The following PCNX1 variants were observed in gnomAD, a reference collection of about 807,000 sequenced individuals.
PCNX1 encodes pecanex-like protein 1.
In PCNX1, 78 loss-of-function variants were observed where a neutral mutation model predicts 242.2. The observed-to-expected ratio is 0.32, with a 90% CI of 0.27 to 0.39. PCNX1 has a LOEUF of 0.39. PCNX1 is among the 10% of genes least tolerant of loss of function. The pLI, the probability that PCNX1 is intolerant of heterozygous loss-of-function variation, is 1.00. For missense variants in PCNX1, 2,581 were observed against 2,856.5 expected, an observed-to-expected ratio of 0.90 and a Z score of 2.20; for synonymous variants, 1,024 against 1,032.9, an observed-to-expected ratio of 0.99 and a Z score of 0.17.
At chr14:70,973,719 CAG>C (rs1395095820) in intron 5 of PCNX1, among the ~76,000 whole-genome samples, 3 of 151,808 alleles carry the variant, frequency 2.0e-5, no homozygotes, top group Non-Finnish European at 4.4e-5. Flanking sequence ...TAGGGATGAT[CAG>C]AGAGAGAAAG....
chr14:70,987,875 C>G (rs987014762), intron 6 of PCNX1, among the ~76,000 whole-genome samples: 2 of 152,122 alleles, frequency 1.3e-5, no homozygotes, highest in Non-Finnish European at 2.9e-5. Flanking sequence ...GCTATGAGTT[C>G]CTGTGCTTGC....
At chr14:70,999,280 A>C (rs2140377607) in intron 8 of PCNX1, among the ~76,000 whole-genome samples, 1 of 152,336 alleles carries the variant, frequency 6.6e-6, no homozygotes, top group East Asian at 1.9e-4. Flanking sequence ...TTTGTAACAC[A>C]ACATCTCAAA....
intron 33 of PCNX1, among the ~76,000 whole-genome samples, chr14:71,105,792 C>T (rs910694096): frequency 6.6e-6 from 1 of 151,486 alleles, no homozygotes; most frequent in Non-Finnish European, 1.5e-5. Flanking sequence ...CTGCCCGTCT[C>T]GGCCTCCCAA....
intron 30 of PCNX1, chr14:71,092,545 A>G (rs752185127): frequency 2.6e-5 from 4 of 152,382 alleles, no homozygotes; most frequent in Non-Finnish European, 5.9e-5. Context: ...CCCAGATGCC[A>G]TTAAGAAAAT....
intron 1 of PCNX1, among the ~76,000 whole-genome samples, chr14:70,929,736 T>C (rs1316918128): frequency 1.3e-5 from 2 of 152,168 alleles, no homozygotes; most frequent in South Asian, 2.1e-4. Flanking sequence ...CTCAAACTTA[T>C]ACTGAAATGA....
intron 33 of PCNX1, 113 bp downstream of exon 33, chr14:71,105,553 A>ATTTT: frequency 1.6e-6 from 1 of 627,018 alleles, no homozygotes; most frequent in Non-Finnish European, 2.6e-6. Flanking sequence ...CAGAAATAGA[A>ATTTT]TTTTTTTTTT....
chr14:71,029,343 T>G (rs2060320980), intron 16 of PCNX1, among the ~76,000 whole-genome samples: 1 of 152,190 alleles, frequency 6.6e-6, no homozygotes, highest in African/African-American at 2.4e-5. Context: ...TCATGCATAC[T>G]TGTGGTTTAT....
At chr14:71,013,296 A>C (rs1434595381) in intron 11 of PCNX1, 94 bp downstream of exon 11, 5 of 944,438 alleles carry the variant, frequency 5.3e-6, no homozygotes, top group Non-Finnish European at 8.7e-6. Flanking sequence ...CCTGGTTATC[A>C]TGTTGGGAAA....
At chr14:71,086,889 A>G (rs2240531) in intron 28 of PCNX1, among the ~76,000 whole-genome samples, 88,088 of 151,946 alleles carry the variant, frequency 0.58, 27,624 homozygotes, top group African/African-American at 0.8. Flanking sequence ...TCCAGTGTCT[A>G]AAAACTGTTG....
intron 19 of PCNX1, among the ~76,000 whole-genome samples, chr14:71,041,543 AT>A (rs757195337): frequency 6.6e-6 from 1 of 152,012 alleles, no homozygotes; most frequent in Non-Finnish European, 1.5e-5. Flanking sequence ...ATTAATCGTA[AT>A]ATCTCCTTTT....
rs376682282 is a variant in PCNX1, at chr14:71,062,759, A to G, written c.4852+5035A>G. Among the ~76,000 whole-genome samples, 539 of 152,258 alleles carry G rather than the reference A, an allele frequency of 3.5e-3. 1 individual carries two copies. The highest frequency in any genetic ancestry group is 0.013 in the African/African-American group (523 of 41,558). On this transcript the variant is annotated intron_variant, in intron 26 of 35. Coordinates refer to ENST00000304743, the MANE Select transcript of PCNX1 (RefSeq NM_014982.3). ...GTACAGTAACACCCTAGGCCTTCAC[A>G]CTCACTCACTACTGACTCAGTGACT...
intron 3 of PCNX1, among the ~76,000 whole-genome samples, chr14:70,966,058 A>T (rs962248464): frequency 3.9e-5 from 6 of 152,222 alleles, no homozygotes; most frequent in African/African-American, 1.4e-4. Context: ...CATGAGCATT[A>T]ATATCATTAA....
intron 15 of PCNX1, among the ~76,000 whole-genome samples, chr14:71,027,470 A>C (rs1472167610): frequency 6.6e-6 from 1 of 151,998 alleles, no homozygotes; most frequent in South Asian, 2.1e-4. Context: ...GTAGAACTTG[A>C]AAATAATCAT....
intron 1 of PCNX1, among the ~76,000 whole-genome samples, chr14:70,929,139 C>A (rs1805867863): frequency 6.6e-6 from 1 of 152,032 alleles, no homozygotes; most frequent in Admixed American, 6.5e-5. Context: ...TGTTTGGATA[C>A]CCTTTTGGGA....
chr14:70,965,204 C>CGTAA (rs1251008910), intron 3 of PCNX1, among the ~76,000 whole-genome samples: 1 of 152,104 alleles, frequency 6.6e-6, no homozygotes, highest in Non-Finnish European at 1.5e-5. Flanking sequence ...CCTCTCCTTA[C>CGTAA]CTCCTTCTCT....
intron 1 of PCNX1, among the ~76,000 whole-genome samples, chr14:70,933,282 AAGG>A (rs2056874644): frequency 1.3e-5 from 2 of 152,186 alleles, no homozygotes; most frequent in Admixed American, 1.3e-4. Flanking sequence ...GGCATGTATG[AAGG>A]AGAAGAGCTT....
intron 1 of PCNX1, among the ~76,000 whole-genome samples, chr14:70,919,246 G>A (rs916915997): frequency 1.3e-5 from 2 of 152,156 alleles, no homozygotes; most frequent in African/African-American, 4.8e-5. Context: ...CTTGACAGTA[G>A]ACAGAATTTT....
At chr14:71,051,803 T>G (rs574936515) in intron 23 of PCNX1, 80 bp from the exon 24 acceptor site, 1 of 1,368,262 alleles carries the variant, frequency 7.3e-7, no homozygotes, top group Admixed American at 2.1e-5. Context: ...AATCTAAATG[T>G]GTCTGCTAGG....
intron 1 of PCNX1, among the ~76,000 whole-genome samples, chr14:70,942,194 G>A (rs1344382185): frequency 6.6e-6 from 1 of 152,166 alleles, no homozygotes; most frequent in African/African-American, 2.4e-5. Flanking sequence ...GAAGTCACCT[G>A]TCTTCTGCAT....
Sources: gnomAD v4.1 joint callset for allele counts (sites outside exome capture counted in the v4.1 genomes callset) on GRCh38, gnomAD v4.1.1 for gene constraint, MANE v1.5 for transcripts, NCBI Gene and HGNC (gene_info 2026-07-23, HGNC 2026-07-21) for gene names.